GULP1: variants seen among roughly 807,000 people sequenced by gnomAD.
The protein encoded by GULP1 is GULP PTB domain containing engulfment adaptor 1.
GULP1 carries 19 observed loss-of-function variants against 40.9 expected under a neutral mutation model. The ratio of observed to expected loss-of-function variants is 0.46; its 90% CI spans 0.32 to 0.68. The LOEUF (loss-of-function observed/expected upper bound fraction) is 0.68, where lower values mean the gene tolerates loss of function less well. Ranked by LOEUF, GULP1 falls within the 30% of genes least tolerant of loss-of-function variation. GULP1 has a pLI of 0.03. For synonymous variants in GULP1, 119 were observed against 117.6 expected, an observed-to-expected ratio of 1.01 and a Z score of -0.08; for missense variants, 312 against 362.2, an observed-to-expected ratio of 0.86 and a Z score of 1.12.
intron 1 of GULP1, among the ~76,000 whole-genome samples, chr2:188,303,965 G>A (rs2036595106): frequency 6.6e-6 from 1 of 152,080 alleles, no homozygotes; most frequent in South Asian, 2.1e-4. Context: ...GATTGTCCTG[G>A]GGCCCCCCTC....
chr2:188,502,144 G>A (rs559825586), intron 4 of GULP1, among the ~76,000 whole-genome samples: 1 of 151,922 alleles, frequency 6.6e-6, no homozygotes, highest in Non-Finnish European at 1.5e-5. Context: ...AGGCAATTGA[G>A]GAGGAAGGAT....
chr2:188,519,135 A>G (rs1002178577), intron 4 of GULP1, among the ~76,000 whole-genome samples: 4 of 152,192 alleles, frequency 2.6e-5, no homozygotes, highest in Admixed American at 6.5e-5. Context: ...TTACATAAGA[A>G]AAAGTTGGGT....
At chr2:188,523,968 T>A (rs1171831267) in intron 5 of GULP1, among the ~76,000 whole-genome samples, 1 of 152,200 alleles carries the variant, frequency 6.6e-6, no homozygotes, top group East Asian at 1.9e-4. Context: ...ATTCATTAGG[T>A]AATAATTCAG....
At chr2:188,485,516 A>G (rs1253155833) in intron 4 of GULP1, among the ~76,000 whole-genome samples, 1 of 151,998 alleles carries the variant, frequency 6.6e-6, no homozygotes, top group Non-Finnish European at 1.5e-5. Flanking sequence ...ACCTCATAGT[A>G]GAGTTACTTT....
intron 9 of GULP1, among the ~76,000 whole-genome samples, chr2:188,583,329 CGTATTCTGA>C: frequency 6.6e-6 from 1 of 152,102 alleles, no homozygotes; most frequent in East Asian, 1.9e-4. Flanking sequence ...GAAAATTAAA[CGTATTCTGA>C]GAATTCTAAT....
intron 7 of GULP1, among the ~76,000 whole-genome samples, chr2:188,546,865 C>T (rs894865780): frequency 1.4e-4 from 21 of 151,956 alleles, no homozygotes; most frequent in African/African-American, 5.1e-4. Flanking sequence ...TGAAAACCAA[C>T]AGATTTCACT....
At chr2:188,576,462 A>G (rs1026305847) in intron 9 of GULP1, among the ~76,000 whole-genome samples, 15 of 152,180 alleles carry the variant, frequency 9.9e-5, no homozygotes, top group African/African-American at 1.9e-4. Context: ...CTTAAAACCA[A>G]TTCACCAATT....
intron 6 of GULP1, among the ~76,000 whole-genome samples, chr2:188,535,045 T>C (rs922859018): frequency 1.1e-4 from 17 of 151,024 alleles, no homozygotes; most frequent in African/African-American, 3.9e-4. Context: ...ATTCAATTAG[T>C]GTTTAATATT....
intron 2 of GULP1, among the ~76,000 whole-genome samples, chr2:188,413,563 AG>A (rs1377637323): frequency 6.6e-6 from 1 of 152,050 alleles, no homozygotes; most frequent in African/African-American, 2.4e-5. Flanking sequence ...AATTTGTTTA[AG>A]GTCTTTGTAT....
chr2:188,502,507 A>G (rs2063527725), intron 4 of GULP1, among the ~76,000 whole-genome samples: 1 of 151,912 alleles, frequency 6.6e-6, no homozygotes, highest in Non-Finnish European at 1.5e-5. Context: ...CTATATTACT[A>G]AAAGGTTAAA....
In GULP1 at chr2:188,593,971, G is replaced by A. The variant is rs375311420; in HGVS notation, c.875G>A (p.Gly292Asp). Residue 292 changes from glycine (G) to aspartate (D), a missense_variant, in exon 12 of 12, where the codon GGC becomes GAC. Coordinates refer to ENST00000409830, the MANE Select transcript of GULP1 (RefSeq NM_016315.4). ...EGFKMGLTLE[G>D]TVFCLDPLDS... ...TTCAAAATGGGACTAACTCTTGAAG[G>A]CACAGTATTTTGTCTCGACCCGTTA... 1.9e-6 allele frequency: 3 copies of A among 1,599,786 alleles called. No individual in the cohort carries two copies. Among genetic ancestry groups the A allele is most frequent in the Non-Finnish European group, 2.6e-6 (3 of 1,167,770 alleles).
chr2:188,524,097 C>T (rs1229693833), intron 5 of GULP1, among the ~76,000 whole-genome samples: 4 of 152,106 alleles, frequency 2.6e-5, no homozygotes, highest in Non-Finnish European at 4.4e-5. Context: ...GTTGAGGATT[C>T]TGGGCATGAA....
At chr2:188,407,026 A>G (rs1428124087) in intron 2 of GULP1, among the ~76,000 whole-genome samples, 4 of 152,174 alleles carry the variant, frequency 2.6e-5, no homozygotes, top group African/African-American at 7.2e-5. Flanking sequence ...CATATCACAC[A>G]TAAGGGAGTT....
intron 2 of GULP1, among the ~76,000 whole-genome samples, chr2:188,393,932 T>G (rs1450589039): frequency 1.3e-5 from 2 of 152,184 alleles, no homozygotes; most frequent in African/African-American, 4.8e-5. Context: ...TACCTGATGC[T>G]TTTGTCTCAC....
At chr2:188,472,962 G>A (rs1484849453) in intron 2 of GULP1, among the ~76,000 whole-genome samples, 1 of 152,148 alleles carries the variant, frequency 6.6e-6, no homozygotes, top group Non-Finnish European at 1.5e-5. Context: ...AAAAGACTTG[G>A]ATGTTGTGAT....
intron 2 of GULP1, among the ~76,000 whole-genome samples, chr2:188,470,758 A>G (rs1046953276): frequency 6.6e-6 from 1 of 152,070 alleles, no homozygotes; most frequent in Non-Finnish European, 1.5e-5. Flanking sequence ...AGTTTTATTC[A>G]GTTTTGGTCA....
At chr2:188,383,988 G>A (rs1343591516) in intron 2 of GULP1, 99 bp downstream of exon 2, 1 of 152,084 alleles carries the variant, frequency 6.6e-6, no homozygotes, top group East Asian at 1.9e-4. Context: ...TAAAAATATA[G>A]TCTTTTGTTG....
chr2:188,455,104 C>T (rs892997469), intron 2 of GULP1, among the ~76,000 whole-genome samples: 1 of 151,926 alleles, frequency 6.6e-6, no homozygotes, highest in Non-Finnish European at 1.5e-5. Flanking sequence ...TGTACTCCAG[C>T]CTTGGAGACA....
chr2:188,384,881 AG>A (rs1574907885), intron 2 of GULP1, among the ~76,000 whole-genome samples: 2 of 152,294 alleles, frequency 1.3e-5, no homozygotes, highest in East Asian at 3.9e-4. Flanking sequence ...CTGATGTAAG[AG>A]GTGAGTTCCC....
Sources: gnomAD v4.1 joint callset for allele counts (sites outside exome capture counted in the v4.1 genomes callset) on GRCh38, gnomAD v4.1.1 for gene constraint, MANE v1.5 for transcripts, NCBI Gene and HGNC (gene_info 2026-07-23, HGNC 2026-07-21) for gene names.